PLA2R1: variants seen among roughly 807,000 people sequenced by gnomAD.
PLA2R1 encodes the protein secretory phospholipase A2 receptor.
Under a neutral mutation model 195.9 loss-of-function variants are expected in PLA2R1, and 158 were observed. The observed-to-expected ratio is 0.81, with a 90% confidence interval of 0.71 to 0.92. PLA2R1 has a LOEUF of 0.92. Ranked by LOEUF, PLA2R1 falls within the 40% of genes least tolerant of loss-of-function variation. The probability of loss-of-function intolerance (pLI) is 0.00; values close to 1 mark genes in which losing one functional copy is unlikely to be tolerated. For missense variants in PLA2R1, 1,626 were observed against 1,764.6 expected (o/e 0.92, Z 1.41); for synonymous variants, 586 against 598.2 (o/e 0.98, Z 0.30).
intron 17 of PLA2R1, among the ~76,000 whole-genome samples, chr2:159,970,998 C>T (rs1301015899): frequency 4.6e-5 from 7 of 151,952 alleles, no homozygotes; most frequent in South Asian, 4.2e-4. Flanking sequence ...AAATACCTAA[C>T]GTAGATGACA....
intron 11 of PLA2R1, among the ~76,000 whole-genome samples, chr2:159,996,790 T>C (rs1027687910): frequency 2.6e-5 from 4 of 152,152 alleles, no homozygotes; most frequent in African/African-American, 7.2e-5. Context: ...CAGAGATTCT[T>C]TTCTCATCTG....
intron 1 of PLA2R1, among the ~76,000 whole-genome samples, chr2:160,048,780 C>T (rs561883769): frequency 2.6e-5 from 4 of 151,698 alleles, no homozygotes; most frequent in African/African-American, 9.7e-5. Flanking sequence ...TGTTATTATA[C>T]TTCCCTTCAT....
rs115899211 is a variant in PLA2R1 at position 160,059,371 on chromosome 2, T to C, written c.109+2924A>G. Among the ~76,000 whole-genome samples the C allele has an allele frequency of 2.3e-3, 355 of 152,300 alleles. 1 individual carries two copies. Among genetic ancestry groups the C allele is most frequent in the African/African-American group, 8.0e-3 (334 of 41,560 alleles). On this transcript the variant is annotated intron_variant, in intron 1 of 29. Coordinates refer to ENST00000283243, the MANE Select transcript of PLA2R1 (RefSeq NM_007366.5). ...TGTGCACCGTAGTAAGTAATTGTTA[T>C]GGGGCTGTCAACCTGTCAAAATGTC...
intron 11 of PLA2R1, 143 bp from the exon 12 acceptor site, chr2:159,987,501 A>T: frequency 1.6e-6 from 1 of 620,766 alleles, no homozygotes; most frequent in Non-Finnish European, 2.9e-6. Flanking sequence ...CGAATGTCTT[A>T]TTGACCTGAT....
chr2:159,951,373 T>C lies in PLA2R1; in HGVS notation c.3507A>G (p.Gly1169=). 6.2e-7 allele frequency: 1 copy of C among 1,612,552 alleles called. No individual in the cohort carries two copies. The highest frequency in any genetic ancestry group is 8.5e-7 in the Non-Finnish European group (1 of 1,178,580). ...TGAACAGTCCAATCCAGTGGGCATA[T>C]CCTAGCCGGTTGAGGACAACAGTGA... ...SFLTVVLNRL[G]YAHWIGLFTT... is the part of the protein sequence containing the mutation. The change falls in exon 24 of 30, where the codon GGA becomes GGG. Residue 1169 remains glycine (G), a synonymous_variant. Coordinates refer to ENST00000283243, the MANE Select transcript of PLA2R1 (RefSeq NM_007366.5).
At chr2:159,966,270 C>A (rs1397394937) in intron 20 of PLA2R1, among the ~76,000 whole-genome samples, 2 of 152,128 alleles carry the variant, frequency 1.3e-5, no homozygotes, top group Non-Finnish European at 2.9e-5. Context: ...ATTATGCTAA[C>A]TGAAATAAGC....
chr2:159,977,482 A>T (rs1689653672), intron 14 of PLA2R1, 66 bp from the exon 15 acceptor site: 1 of 1,460,562 alleles, frequency 6.8e-7, no homozygotes, highest in African/African-American at 1.4e-5. Flanking sequence ...AAGATCAAAA[A>T]GGGCATCCCT....
At position 159,979,740 on chromosome 2, in the gene PLA2R1, C is replaced by G. The variant is rs534185891; in HGVS notation, c.2268+90G>C. 645 of 670,276 alleles carry G rather than the reference C, an allele frequency of 9.6e-4. 10 individuals carry two copies. The South Asian group carries it at 0.011, about 12-fold the overall frequency. 41.5% of individuals were successfully genotyped at this position (670,276 alleles called of 1,614,324 possible). A position where few individuals can be genotyped will look rare whatever the true frequency, so the allele number is the denominator to read the frequency against. ...GTTTTGTCATGGGAGCTCTGGCCAT[C>G]ATTTCTAGGTTCTCTTGGTTGGTTT... On this transcript the variant is annotated intron_variant, in intron 14 of 29. Coordinates refer to ENST00000283243, the MANE Select transcript of PLA2R1 (RefSeq NM_007366.5).
intron 10 of PLA2R1, among the ~76,000 whole-genome samples, chr2:160,012,446 A>T (rs1428306251): frequency 1.3e-5 from 2 of 152,188 alleles, no homozygotes; most frequent in African/African-American, 4.8e-5. Flanking sequence ...AAAAGGGCAC[A>T]GTCTCTGTGC....
intron 1 of PLA2R1, among the ~76,000 whole-genome samples, chr2:160,054,354 G>A (rs943607982): frequency 2.6e-5 from 4 of 152,174 alleles, no homozygotes; most frequent in African/African-American, 9.7e-5. Context: ...TCTCAGTCAT[G>A]ATGATCACTT....
chr2:159,961,926 T>G (rs796904171), intron 20 of PLA2R1, among the ~76,000 whole-genome samples: 120 of 152,210 alleles, frequency 7.9e-4, no homozygotes, highest in African/African-American at 2.8e-3. Context: ...TATCCTCTTT[T>G]AATCCTAGAA....
intron 1 of PLA2R1, among the ~76,000 whole-genome samples, chr2:160,057,179 C>A (rs1190339799): frequency 6.6e-6 from 1 of 152,126 alleles, no homozygotes; most frequent in Non-Finnish European, 1.5e-5. Context: ...AGAGGAAAGT[C>A]CTACTAGTCA....
At chr2:159,981,875 C>T (rs889672334) in intron 13 of PLA2R1, among the ~76,000 whole-genome samples, 17 of 152,260 alleles carry the variant, frequency 1.1e-4, no homozygotes, top group Admixed American at 3.9e-4. Flanking sequence ...AACTGAGTCT[C>T]ACTATGCTGC....
intron 8 of PLA2R1, 109 bp from the exon 9 acceptor site, chr2:160,016,821 T>C (rs2105450767): frequency 1.6e-6 from 1 of 636,264 alleles, no homozygotes; most frequent in South Asian, 1.9e-5. Context: ...CCGCGTGGGA[T>C]AATGTTTCAG....
At chr2:160,025,917 T>C (rs1693493709) in intron 6 of PLA2R1, among the ~76,000 whole-genome samples, 1 of 152,120 alleles carries the variant, frequency 6.6e-6, no homozygotes, top group Non-Finnish European at 1.5e-5. Flanking sequence ...AGCAGATATG[T>C]AGGATGAACA....
At chr2:160,057,252 CAG>C (rs1343297014) in intron 1 of PLA2R1, among the ~76,000 whole-genome samples, 2 of 152,140 alleles carry the variant, frequency 1.3e-5, no homozygotes, top group Non-Finnish European at 1.5e-5. Flanking sequence ...GCCCCAGAGA[CAG>C]AGAGAAACAG....
chr2:160,062,127 AC>A (rs1696000860), intron 1 of PLA2R1, among the ~76,000 whole-genome samples, 167 bp downstream of exon 1: 1 of 151,554 alleles, frequency 6.6e-6, no homozygotes, highest in Admixed American at 6.6e-5. Flanking sequence ...GCTGCAGGAC[AC>A]CACCCGCTCC....
At chr2:159,943,803 CTTTTTTT>C (rs757413252) in intron 28 of PLA2R1, among the ~76,000 whole-genome samples, 1 of 140,108 alleles carries the variant, frequency 7.1e-6, no homozygotes, top group Admixed American at 7.1e-5. Flanking sequence ...CCATGTTTTT[CTTTTTTT>C]TTTTTTTTCT....
chr2:159,968,422 C>T (rs191705728), intron 19 of PLA2R1, among the ~76,000 whole-genome samples: 145 of 152,260 alleles, frequency 9.5e-4, no homozygotes, highest in African/African-American at 3.4e-3. Context: ...GGCTGGAATG[C>T]TATTTTCAAT....
Sources: allele counts gnomAD v4.1 joint callset (sites outside exome capture counted in the v4.1 genomes callset), GRCh38; gene constraint gnomAD v4.1.1; transcripts MANE v1.5; gene names NCBI Gene and HGNC (gene_info 2026-07-23, HGNC 2026-07-21).